RPIA: variants seen among roughly 807,000 people sequenced by gnomAD.
The protein encoded by RPIA is ribose 5-phosphate isomerase A, also known as ribose-5-phosphate isomerase.
RPIA carries 29 observed loss-of-function variants against 37.8 expected under a neutral mutation model. The observed-to-expected ratio is 0.77, with a 90% CI of 0.57 to 1.05. The LOEUF (loss-of-function observed/expected upper bound fraction) is 1.05. Among genes scored for constraint, RPIA ranks in the 50% least tolerant of loss-of-function variants. The pLI is 0.00. For missense variants in RPIA, 385 were observed against 413.6 expected, an observed-to-expected ratio of 0.93 and a Z score of 0.60; for synonymous variants, 167 against 157.0, an observed-to-expected ratio of 1.06 and a Z score of -0.48.
At chr2:88,726,869 A>G (rs1165693050) in intron 3 of RPIA, among the ~76,000 whole-genome samples, 3 of 151,990 alleles carry the variant, frequency 2.0e-5, no homozygotes, top group Admixed American at 6.6e-5. Context: ...CAGCCTCCTG[A>G]GTAGCTAGGG....
chr2:88,711,535 TG>T (rs1467652979), intron 3 of RPIA, among the ~76,000 whole-genome samples: 1 of 152,226 alleles, frequency 6.6e-6, no homozygotes, highest in Admixed American at 6.5e-5. Context: ...TTTATGCAGA[TG>T]AAGCTTTTAG....
At chr2:88,739,850 A>G (rs1007149519) in intron 8 of RPIA, among the ~76,000 whole-genome samples, 25 of 152,256 alleles carry the variant, frequency 1.6e-4, no homozygotes, top group African/African-American at 5.5e-4. Flanking sequence ...ACTGGGCTCA[A>G]AGTCTCCCTT....
At chr2:88,705,721 T>C (rs536038911) in intron 3 of RPIA, among the ~76,000 whole-genome samples, 1 of 152,138 alleles carries the variant, frequency 6.6e-6, no homozygotes, top group South Asian at 2.1e-4. Flanking sequence ...TGGGATCTAA[T>C]TAAAGAGCTT....
chr2:88,742,584 A>C (rs559087530), intron 8 of RPIA, among the ~76,000 whole-genome samples: 2 of 152,312 alleles, frequency 1.3e-5, no homozygotes, highest in South Asian at 4.1e-4. Flanking sequence ...TCTGTGAAGA[A>C]TGATGGCGGT....
chr2:88,733,791 T>C (rs1673280992), intron 4 of RPIA, among the ~76,000 whole-genome samples: 1 of 152,136 alleles, frequency 6.6e-6, no homozygotes, highest in African/African-American at 2.4e-5. Context: ...ATACTCGGGG[T>C]TCCTACAATG....
chr2:88,722,820 A>C (rs949491190), intron 3 of RPIA, among the ~76,000 whole-genome samples: 8 of 152,186 alleles, frequency 5.3e-5, no homozygotes, highest in Admixed American at 2.6e-4. Flanking sequence ...GGTGAGTGGC[A>C]CCTTTGTTCT....
At chr2:88,695,577 G>T (rs1672729735) in intron 1 of RPIA, among the ~76,000 whole-genome samples, 2 of 152,222 alleles carry the variant, frequency 1.3e-5, no homozygotes, top group South Asian at 4.1e-4. Context: ...ATTCCTTGAA[G>T]ATTTTTATAT....
At chr2:88,695,132 G>C (rs185593911) in intron 1 of RPIA, among the ~76,000 whole-genome samples, 15 of 152,156 alleles carry the variant, frequency 9.9e-5, no homozygotes, top group African/African-American at 3.4e-4. Context: ...CTTTACCTAT[G>C]CATCTCTTCA....
intron 3 of RPIA, among the ~76,000 whole-genome samples, chr2:88,708,791 C>G (rs1270415050): frequency 1.4e-5 from 2 of 143,372 alleles, no homozygotes; most frequent in African/African-American, 5.3e-5. Context: ...GAGTCTCGCT[C>G]TGTCGCCCAG....
intron 8 of RPIA, among the ~76,000 whole-genome samples, chr2:88,741,907 A>C (rs1673387666): frequency 6.6e-6 from 1 of 151,206 alleles, no homozygotes; most frequent in Non-Finnish European, 1.5e-5. Context: ...TTTTGATGGG[A>C]TTTTTTTTCT....
intron 3 of RPIA, among the ~76,000 whole-genome samples, chr2:88,701,685 T>C (rs559165495): frequency 1.3e-5 from 2 of 152,422 alleles, no homozygotes; most frequent in African/African-American, 4.8e-5. Flanking sequence ...TTGAGGACTA[T>C]AGATCAGGGA....
intron 3 of RPIA, among the ~76,000 whole-genome samples, chr2:88,702,205 G>A (rs1672841203): frequency 6.6e-6 from 1 of 152,184 alleles, no homozygotes; most frequent in Admixed American, 6.5e-5. Context: ...CATCGTAAAA[G>A]TAACTTTCCT....
chr2:88,709,470 T>C (rs1417397927), intron 3 of RPIA, among the ~76,000 whole-genome samples: 1 of 152,230 alleles, frequency 6.6e-6, no homozygotes, highest in Non-Finnish European at 1.5e-5. Context: ...AACTGCACAT[T>C]TAGCATAAGT....
Position 88,736,573 on chromosome 2 carries a change from G to T in RPIA, c.635G>T (p.Gly212Val). The stretch of plus-strand genomic sequence containing the variant: ...AATCTCGGGGATCAGTGGCACAAGG[G>T]AATCCCCATCGAGGTCATCCCAATG... ...SKNLGDQWHK[G>V]IPIEVIPMAY... The change falls in exon 7 of 9, where the codon GGA becomes GTA. Residue 212 changes from glycine to valine, a missense_variant. Gly to Val is a moderately radical substitution (Grantham distance 109, BLOSUM62 -3). Coordinates refer to ENST00000283646, the MANE Select transcript of RPIA (RefSeq NM_144563.3). The T allele has an allele frequency of 1.2e-6, 2 of 1,614,112 alleles. No individual in the cohort carries two copies. Among genetic ancestry groups the T allele is most frequent in the Non-Finnish European group, 1.7e-6 (2 of 1,180,026 alleles).
chr2:88,709,000 C>T (rs1212178459), intron 3 of RPIA, among the ~76,000 whole-genome samples: 1 of 152,202 alleles, frequency 6.6e-6, no homozygotes, highest in African/African-American at 2.4e-5. Context: ...TTGTGATCCA[C>T]CCGCCTGGGC....
intron 6 of RPIA, 105 bp from the exon 7 acceptor site, chr2:88,736,430 T>C: frequency 1.6e-6 from 2 of 1,237,558 alleles, no homozygotes; most frequent in African/African-American, 1.5e-5. Flanking sequence ...TTGATCACTT[T>C]CCTTGCCTTC....
intron 3 of RPIA, among the ~76,000 whole-genome samples, chr2:88,714,044 T>G (rs1673001328): frequency 6.6e-6 from 1 of 152,210 alleles, no homozygotes; most frequent in African/African-American, 2.4e-5. Context: ...TTCACTCCTT[T>G]TAAGTACAAT....
At chr2:88,736,410 T>G in intron 6 of RPIA, 125 bp from the exon 7 acceptor site, 1 of 875,574 alleles carries the variant, frequency 1.1e-6, no homozygotes, top group East Asian at 2.6e-5. Context: ...TAGCCCCATG[T>G]ATATTGCCCT....
chr2:88,727,957 TC>T (rs1486932415), intron 3 of RPIA, among the ~76,000 whole-genome samples: 1 of 152,190 alleles, frequency 6.6e-6, no homozygotes. Context: ...AAAATGAACT[TC>T]CATGTACTCA....
Sources: allele counts gnomAD v4.1 joint callset (sites outside exome capture counted in the v4.1 genomes callset), GRCh38; gene constraint gnomAD v4.1.1; transcripts MANE v1.5; gene names NCBI Gene and HGNC (gene_info 2026-07-23, HGNC 2026-07-21).